COL5A1: variants seen among roughly 807,000 people sequenced by gnomAD.
COL5A1 encodes the protein collagen alpha-1(V) chain.
Under a neutral mutation model 263.7 loss-of-function variants are expected in COL5A1, and 16 were observed. The ratio of observed to expected loss-of-function variants is 0.06; its 90% CI spans 0.04 to 0.09. The LOEUF (loss-of-function observed/expected upper bound fraction) is 0.09. Ranked by LOEUF, COL5A1 falls within the 10% of genes least tolerant of loss-of-function variation. COL5A1 has a pLI of 1.00. For synonymous variants in COL5A1, 1,012 were observed against 1,004.5 expected, an observed-to-expected ratio of 1.01 and a Z score of -0.14; for missense variants, 2,036 against 2,540.5, an observed-to-expected ratio of 0.80 and a Z score of 4.27.
At chr9:134,827,829 G>A (rs919400443) in intron 63 of COL5A1, among the ~76,000 whole-genome samples, 6 of 152,216 alleles carry the variant, frequency 3.9e-5, no homozygotes, top group South Asian at 2.1e-4. Context: ...CCCACATCCC[G>A]GGACTCTTCC....
intron 11 of COL5A1, among the ~76,000 whole-genome samples, chr9:134,746,618 G>A (rs1835523872): frequency 6.6e-6 from 1 of 152,240 alleles, no homozygotes; most frequent in Non-Finnish European, 1.5e-5. Flanking sequence ...GATACCAGTG[G>A]TGCCTTCATT....
chr9:134,821,954 C>T lies in COL5A1; in HGVS notation c.4555-143C>T, dbSNP rs556467073. On this transcript the variant is annotated intron_variant, in intron 58 of 65. Coordinates refer to ENST00000371817, the MANE Select transcript of COL5A1 (RefSeq NM_000093.5). This position sits in a 1 kb window ranked among gnomAD's most constrained non-coding sequence, Gnocchi z 4.2. ...TGCACAGCCCAGGATCAGAAAGCAGCCACAGGAGGCTGCTGAGGGGCCAAA... is the reference window on the plus strand; with the variant it reads ...TGCACAGCCCAGGATCAGAAAGCAGTCACAGGAGGCTGCTGAGGGGCCAAA... 9.1e-4 allele frequency: 692 copies of T among 763,936 alleles called. 12 individuals carry two copies. The South Asian group carries it at 9.5e-3, about 10-fold the overall frequency. The allele number at this position is 763,936 out of a possible 1,614,324, so 47.3% of individuals were successfully genotyped here. A position where few individuals can be genotyped will look rare whatever the true frequency, so the allele number is the denominator to read the frequency against.
In COL5A1 at chr9:134,842,094, T is replaced by C. The variant is rs905421146; in HGVS notation, c.5371-63T>C. 36 of 1,595,096 alleles carry C rather than the reference T, an allele frequency of 2.3e-5. No homozygotes were observed. Among genetic ancestry groups the C allele is most frequent in the Admixed American group, 2.0e-4 (12 of 59,896 alleles). On this transcript the variant is annotated intron_variant, in intron 65 of 65. Coordinates refer to ENST00000371817, the MANE Select transcript of COL5A1 (RefSeq NM_000093.5). The surrounding 1 kb of genome is among the most constrained non-coding windows in gnomAD (Gnocchi z 5.8). The stretch of plus-strand genomic sequence containing the variant: ...GAGCCAGACAGATTGTGGGGGGTGA[T>C]TGGTAAACCCCAAGACCCCCAACTG...
chr9:134,658,447 GC>G (rs1832092020), intron 1 of COL5A1, among the ~76,000 whole-genome samples: 1 of 152,144 alleles, frequency 6.6e-6, no homozygotes, highest in African/African-American at 2.4e-5. Context: ...GCCTGCATGT[GC>G]CCCCGCCCCT....
At chr9:134,827,946 C>T (rs532734612) in intron 63 of COL5A1, among the ~76,000 whole-genome samples, 1 of 152,336 alleles carries the variant, frequency 6.6e-6, no homozygotes, top group East Asian at 1.9e-4. Context: ...AGATGGGACA[C>T]CCCTTTCCTC....
chr9:134,698,012 A>T (rs1031322222), intron 2 of COL5A1, among the ~76,000 whole-genome samples: 1 of 149,772 alleles, frequency 6.7e-6, no homozygotes, highest in African/African-American at 2.5e-5. Context: ...TGAACCTGGG[A>T]GGTGGAGGTT....
intron 4 of COL5A1, among the ~76,000 whole-genome samples, chr9:134,702,150 G>A (rs1443425998): frequency 6.6e-6 from 1 of 152,182 alleles, no homozygotes; most frequent in African/African-American, 2.4e-5. Flanking sequence ...AGTGACCGTT[G>A]CCTCCGCGGC....
At chr9:134,778,312 C>T (rs777434198) in intron 27 of COL5A1, among the ~76,000 whole-genome samples, 1 of 152,266 alleles carries the variant, frequency 6.6e-6, no homozygotes, top group Non-Finnish European at 1.5e-5. Context: ...CCTTCCTGGG[C>T]TGCCCGGGCC....
chr9:134,687,473 T>TCCA (rs1360663956), intron 1 of COL5A1, among the ~76,000 whole-genome samples: 38 of 151,730 alleles, frequency 2.5e-4, no homozygotes, highest in African/African-American at 8.2e-4. Context: ...CATCCATCCA[T>TCCA]TCATCCATCC....
rs113598525 is a variant in COL5A1 at position 134,755,810 on chromosome 9, C to T, written c.1828-955C>T. On this transcript the variant is annotated intron_variant, in intron 16 of 65. Coordinates refer to ENST00000371817, the MANE Select transcript of COL5A1 (RefSeq NM_000093.5). This position sits in a 1 kb window ranked among gnomAD's most constrained non-coding sequence, Gnocchi z 4.1. ...TTTGGATTTCTCTCTTTTTGCTTCT[C>T]GGCTGTTCTCGGGTGCCACCTTGTC... Among the ~76,000 whole-genome samples the T allele has an allele frequency of 0.017, 2,642 of 152,240 alleles. 21 individuals are homozygous for T. Among genetic ancestry groups the T allele is most frequent in the Middle Eastern group, 0.051 (15 of 294 alleles).
chr9:134,729,444 T>C (rs1290492309), intron 6 of COL5A1, among the ~76,000 whole-genome samples: 3 of 151,856 alleles, frequency 2.0e-5, no homozygotes, highest in Admixed American at 6.6e-5. Flanking sequence ...GGTGTGTGTG[T>C]GTGCATGAAC....
chr9:134,835,098 C>T lies in COL5A1; in HGVS notation c.5264C>T (p.Ala1755Val), dbSNP rs368173881. The change falls in exon 65 of 66, where the codon GCA (alanine) becomes GTA (valine). Residue 1755 changes from alanine to valine, a missense_variant. Around this residue, in one of 3 missense-constraint regions of COL5A1, gnomAD observed 358 missense variants for 384.6 expected, o/e 0.93. Transcript: ENST00000371817. ...HCYQSVAWQD[A>V]ATGSYDKALR... ...TACCAGTCAGTGGCCTGGCAGGACG[C>T]AGCCACGGGCAGCTACGACAAGGCC... is the stretch of plus-strand genomic sequence containing the variant. 4 of 1,613,582 alleles carry T rather than the reference C, an allele frequency of 2.5e-6. No homozygotes were observed. In the African/African-American group the frequency reaches 4.0e-5, roughly 16 times the overall value.
intron 1 of COL5A1, among the ~76,000 whole-genome samples, chr9:134,644,618 G>A (rs1470664932): frequency 6.6e-6 from 1 of 152,026 alleles, no homozygotes; most frequent in East Asian, 1.9e-4. Flanking sequence ...AGTGCCTGCT[G>A]TCTTCTCCAT....
Position 134,716,965 on chromosome 9 carries a change from G to A in COL5A1, c.655-10301G>A, listed in dbSNP as rs554107568. 2.4e-4 allele frequency among the ~76,000 whole-genome samples: 37 copies of A among 152,190 alleles called. No homozygotes were observed. The highest frequency in any genetic ancestry group is 4.7e-4 in the Non-Finnish European group (32 of 68,024). On this transcript the variant is annotated intron_variant, in intron 4 of 65. Transcript: ENST00000371817. This position sits in a 1 kb window ranked among gnomAD's most constrained non-coding sequence, Gnocchi z 4.5. The stretch of plus-strand genomic sequence containing the variant: ...ATGAAAATATTTCTCTGACACTCTC[G>A]TTAATAGTGTGAAACTCGTTCTCAC...
intron 65 of COL5A1, among the ~76,000 whole-genome samples, chr9:134,835,647 T>TC (rs1839827194): frequency 6.6e-6 from 1 of 152,294 alleles, no homozygotes; most frequent in East Asian, 1.9e-4. Flanking sequence ...TTGCCAGCTC[T>TC]CCGGACAGCC....
chr9:134,763,618 G>T (rs1836548944), intron 19 of COL5A1, 75 bp from the exon 20 acceptor site: 5 of 1,460,216 alleles, frequency 3.4e-6, no homozygotes, highest in Non-Finnish European at 4.8e-6. Flanking sequence ...GAGAACCCTT[G>T]TGCACCACTG....
At chr9:134,836,050 C>G (rs1839844094) in intron 65 of COL5A1, among the ~76,000 whole-genome samples, 1 of 152,200 alleles carries the variant, frequency 6.6e-6, no homozygotes, top group African/African-American at 2.4e-5. Flanking sequence ...GACATTGGAG[C>G]CTGTTCTCTC....
At chr9:134,707,935 G>A (rs1209180707) in intron 4 of COL5A1, among the ~76,000 whole-genome samples, 8 of 152,220 alleles carry the variant, frequency 5.3e-5, no homozygotes, top group Admixed American at 2.6e-4. Flanking sequence ...TGCGGCTGGC[G>A]GCTCCGGGAC....
At chr9:134,747,960 T>TGCACACATGCATTCAC (rs1835614065) in intron 11 of COL5A1, among the ~76,000 whole-genome samples, 2 of 92,968 alleles carry the variant, frequency 2.2e-5, no homozygotes, top group Non-Finnish European at 4.9e-5. Flanking sequence ...TGCAGACACA[T>TGCACACATGCATTCAC]GCACACATGC....
Sources: gnomAD v4.1 joint callset for allele counts (sites outside exome capture counted in the v4.1 genomes callset) on GRCh38, gnomAD v4.1.1 for gene constraint, gnomAD v4.1.1 regional missense constraint, Gnocchi (gnomAD v3.1) non-coding constraint, MANE v1.5 for transcripts, NCBI Gene and HGNC (gene_info 2026-07-23, HGNC 2026-07-21) for gene names.